DCDC2C: variants seen among roughly 807,000 people sequenced by gnomAD.
The protein encoded by DCDC2C is doublecortin domain-containing protein 2C.
A neutral mutation model predicts 45.0 loss-of-function variants in DCDC2C; 44 were observed. That is an observed-to-expected ratio of 0.98 (90% CI 0.77 to 1.26). DCDC2C has a LOEUF of 1.26. Ranked by LOEUF, DCDC2C falls within the 50% of genes most tolerant of loss-of-function variation. The pLI is 0.00. For missense variants in DCDC2C, 447 were observed against 468.9 expected (o/e 0.95, Z 0.43); for synonymous variants, 187 against 178.8 (o/e 1.05, Z -0.37).
At chr2:3,769,261 TC>T in intron 7 of DCDC2C, 49 bp from the exon 8 acceptor site, 1 of 1,517,202 alleles carries the variant, frequency 6.6e-7, no homozygotes, top group Non-Finnish European at 8.9e-7. Flanking sequence ...TGCAGTGGAC[TC>T]CAGCTTCTCC....
intron 2 of DCDC2C, among the ~76,000 whole-genome samples, chr2:3,719,562 T>C (rs1317891889): frequency 6.6e-6 from 1 of 152,036 alleles, no homozygotes; most frequent in East Asian, 1.9e-4. Context: ...TTGGAGGCCA[T>C]GATAATGGGG....
intron 4 of DCDC2C, among the ~76,000 whole-genome samples, chr2:3,747,959 T>A (rs1669422488): frequency 6.6e-6 from 1 of 152,036 alleles, no homozygotes; most frequent in Non-Finnish European, 1.5e-5. Context: ...TGAGAACACA[T>A]CTGAATGGCA....
chr2:3,728,292 C>T (rs896204422), intron 3 of DCDC2C, among the ~76,000 whole-genome samples: 1 of 152,236 alleles, frequency 6.6e-6, no homozygotes, highest in Non-Finnish European at 1.5e-5. Context: ...CTTTAAAATA[C>T]TTTAAGCTTC....
intron 3 of DCDC2C, among the ~76,000 whole-genome samples, chr2:3,730,183 G>T (rs72771218): frequency 2.0e-5 from 3 of 152,126 alleles, no homozygotes; most frequent in African/African-American, 7.2e-5. Context: ...AGGCACAGTC[G>T]CTCAAGCCTG....
intron 10 of DCDC2C, among the ~76,000 whole-genome samples, chr2:3,827,328 G>A (rs1671847488): frequency 6.6e-6 from 1 of 152,098 alleles, no homozygotes; most frequent in South Asian, 2.1e-4. Flanking sequence ...TGGGGGTGGG[G>A]GTCCACTTGG....
At chr2:3,792,793 G>A (rs771020308) in intron 10 of DCDC2C, among the ~76,000 whole-genome samples, 5 of 152,186 alleles carry the variant, frequency 3.3e-5, no homozygotes, top group Non-Finnish European at 7.3e-5. Flanking sequence ...TGTCTTCTCC[G>A]ATGAGCAATT....
At position 3,728,153 on chromosome 2, in the gene DCDC2C, C is replaced by T. The variant is rs144476845; in HGVS notation, c.416+1074C>T. 2.2e-4 allele frequency among the ~76,000 whole-genome samples: 34 copies of T among 152,262 alleles called. No homozygotes were observed. The East Asian group carries it at 6.0e-3, about 27-fold the overall frequency. On this transcript the variant is annotated intron_variant, in intron 3 of 10. Transcript: ENST00000399143. ...CCCGAGAGGCAAGGGCTTGGAGGCT[C>T]ATGAGGCTGGAAACTGCCTGATTCA...
intron 10 of DCDC2C, among the ~76,000 whole-genome samples, chr2:3,824,751 G>A (rs985037599): frequency 6.6e-6 from 1 of 151,860 alleles, no homozygotes; most frequent in Non-Finnish European, 1.5e-5. Flanking sequence ...TTCCCTAGCT[G>A]TAGACTTCTG....
At chr2:3,726,737 G>GC (rs930828050) in intron 2 of DCDC2C, among the ~76,000 whole-genome samples, 3 of 152,112 alleles carry the variant, frequency 2.0e-5, no homozygotes, top group African/African-American at 7.2e-5. Context: ...CGTCAGCCCA[G>GC]CCCCCGCACC....
At chr2:3,772,569 G>A (rs6748335) in intron 8 of DCDC2C, among the ~76,000 whole-genome samples, 42,467 of 151,966 alleles carry the variant, frequency 0.28, 6,360 homozygotes, top group East Asian at 0.58. Context: ...AGGGAGGGTC[G>A]GAGGCTCAGC....
At chr2:3,822,598 G>T (rs904745407) in intron 10 of DCDC2C, among the ~76,000 whole-genome samples, 1 of 78,720 alleles carries the variant, frequency 1.3e-5, no homozygotes, top group East Asian at 2.7e-4. Flanking sequence ...ATTTTCTCTA[G>T]TTTTAAAATT....
intron 10 of DCDC2C, among the ~76,000 whole-genome samples, chr2:3,798,692 A>T (rs1671028478): frequency 6.6e-6 from 1 of 151,412 alleles, no homozygotes; most frequent in Non-Finnish European, 1.5e-5. Flanking sequence ...AATGTTGAAT[A>T]TTGGCCCCCA....
At chr2:3,782,046 C>T (rs1449249166) in intron 9 of DCDC2C, among the ~76,000 whole-genome samples, 1 of 152,184 alleles carries the variant, frequency 6.6e-6, no homozygotes, top group African/African-American at 2.4e-5. Context: ...GTTGCACAGT[C>T]ACGGCTATGG....
intron 2 of DCDC2C, among the ~76,000 whole-genome samples, chr2:3,722,566 A>G (rs1668530499): frequency 6.6e-6 from 1 of 152,214 alleles, no homozygotes; most frequent in Non-Finnish European, 1.5e-5. Context: ...CCTTGGTTGA[A>G]GAGGTCTAAA....
chr2:3,820,696 G>A (rs1671667485), intron 10 of DCDC2C, among the ~76,000 whole-genome samples: 1 of 152,140 alleles, frequency 6.6e-6, no homozygotes, highest in Non-Finnish European at 1.5e-5. Flanking sequence ...AACTGGAATT[G>A]GAAGGACGGG....
At chr2:3,800,776 CA>C (rs1260396919) in intron 10 of DCDC2C, among the ~76,000 whole-genome samples, 3 of 149,722 alleles carry the variant, frequency 2.0e-5, no homozygotes, top group African/African-American at 7.3e-5. Flanking sequence ...GTGACATTGG[CA>C]TTTTCTCAAA....
At chr2:3,815,005 C>T (rs1401341323) in intron 10 of DCDC2C, among the ~76,000 whole-genome samples, 1 of 152,262 alleles carries the variant, frequency 6.6e-6, no homozygotes, top group Admixed American at 6.5e-5. Context: ...CTGCCCCTAC[C>T]CGAAGGAGCT....
rs1390695087 is a variant in DCDC2C, at chr2:3,761,006, T to C, written c.726+6372T>C. Among the ~76,000 whole-genome samples, 2 of 152,212 alleles carry C rather than the reference T, an allele frequency of 1.3e-5. No homozygotes were observed. On this transcript the variant is annotated intron_variant, in intron 6 of 10. Coordinates refer to ENST00000399143, the MANE Select transcript of DCDC2C (RefSeq NM_001287444.2). The surrounding 1 kb of genome is among the most constrained non-coding windows in gnomAD (Gnocchi z 4.3). ...TATTTGAGCATTGGAAAATATGCCA[T>C]TATGAGTCTGCCAGTATCCTGTCTG...
chr2:3,782,603 C>T (rs527599876), intron 9 of DCDC2C, among the ~76,000 whole-genome samples: 94 of 123,504 alleles, frequency 7.6e-4, no homozygotes, highest in African/African-American at 2.2e-3. Context: ...CTCAGCCTCC[C>T]GAGTAGCTGG....
Sources: gnomAD v4.1 joint callset for allele counts (sites outside exome capture counted in the v4.1 genomes callset) on GRCh38, gnomAD v4.1.1 for gene constraint, Gnocchi (gnomAD v3.1) non-coding constraint, MANE v1.5 for transcripts, NCBI Gene and HGNC (gene_info 2026-07-23, HGNC 2026-07-21) for gene names.